Variants in ARMC6 observed in about 807,000 individuals in gnomAD.
ARMC6 encodes the protein armadillo repeat containing 6.
A neutral mutation model predicts 49.2 loss-of-function variants in ARMC6; 43 were observed. That is an observed-to-expected ratio of 0.87 (90% CI 0.69 to 1.13). The LOEUF is 1.13. Ranked by LOEUF, ARMC6 falls within the 50% of genes most tolerant of loss-of-function variation. The pLI is 0.00. For synonymous variants in ARMC6, 262 were observed against 289.6 expected (o/e 0.90, Z 0.97); for missense variants, 627 against 682.0 (o/e 0.92, Z 0.90).
rs11270900 is a variant in ARMC6, at chr19:19,045,493, C to CTTTTTTTTTTTTTTT, written c.279+1430_279+1431insTTTTTTTTTTTTTTT. ...TAAGTGCTCAGCATTATGCTAAATTCTTTTTTTTTTTGAGACAAGAGTCTC... is the reference window on the plus strand; with the variant it reads ...TAAGTGCTCAGCATTATGCTAAATTCTTTTTTTTTTTTTTTTTTTTTTTTTTGAGACAAGAGTCTC... On this transcript the variant is annotated intron_variant, in intron 4 of 8. Transcript: ENST00000535612. 9.3e-4 allele frequency among the ~76,000 whole-genome samples: 83 copies of CTTTTTTTTTTTTTTT among 89,110 alleles called. 22 individuals carry two copies. The highest frequency in any genetic ancestry group is 1.6e-3 in the South Asian group (4 of 2,526). The allele number at this position is 89,110 out of a possible 152,430, so 58.5% of individuals were successfully genotyped here.
In ARMC6 at chr19:19,054,133, T is replaced by G; in HGVS notation, c.854-19T>G. 1 of 1,504,218 alleles carries G rather than the reference T, an allele frequency of 6.6e-7. No homozygotes were observed. The highest frequency in any genetic ancestry group is 8.9e-7 in the Non-Finnish European group (1 of 1,124,390). The allele number at this position is 1,504,218 out of a possible 1,614,324, so 93.2% of individuals were successfully genotyped here. A position where few individuals can be genotyped will look rare whatever the true frequency, so the allele number is the denominator to read the frequency against. ...CTGGTTCTTCCCGCCCCCACCACCG[T>G]CTCCCTTTCTCCCTGCAGCGTTCCT... On this transcript the variant is annotated intron_variant, in intron 5 of 8. Transcript: ENST00000535612.
rs1209804920 is a variant in ARMC6 at position 19,051,854 on chromosome 19, A to G, written c.512A>G (p.Asp171Gly). ...ALSVLTDGQPDLLDAQGLQLL... is the reference protein window; with the variant it reads ...ALSVLTDGQPGLLDAQGLQLL... Reference sequence around the variant, plus strand: ...TCGGTGCTGACTGATGGACAGCCAGACCTCCTGGATGCCCAGGGCCTGCAG... The same window carrying G: ...TCGGTGCTGACTGATGGACAGCCAGGCCTCCTGGATGCCCAGGGCCTGCAG... The change falls in exon 5 of 9, where the codon GAC becomes GGC. Residue 171 changes from aspartate to glycine, a missense_variant. Asp to Gly is a moderately conservative substitution (Grantham distance 94, BLOSUM62 -1). Coordinates refer to ENST00000535612, the MANE Select transcript of ARMC6 (RefSeq NM_001199196.2). The G allele has an allele frequency of 4.3e-6, 7 of 1,613,944 alleles. No homozygotes were observed. The South Asian group carries it at 7.7e-5, about 18-fold the overall frequency.
Position 19,055,879 on chromosome 19 carries a change from T to G in ARMC6, c.1244T>G (p.Val415Gly), listed in dbSNP as rs2059540201. 2 of 1,612,818 alleles carry G rather than the reference T, an allele frequency of 1.2e-6. No homozygotes were observed. Among genetic ancestry groups the G allele is most frequent in the Non-Finnish European group, 1.7e-6 (2 of 1,179,506 alleles). Residue 415 changes from valine (V) to glycine (G), a missense_variant, in exon 8 of 9, where the codon GTG becomes GGG. Transcript: ENST00000535612. The surrounding 1 kb of genome is among the most constrained non-coding windows in gnomAD (Gnocchi z 5.7). ...SRIIVEGGGA[V>G]AALQAMKAHP... ...ATCATCGTGGAGGGTGGCGGGGCTG[T>G]GGCAGCACTGCAGGCCATGAAGGCA...
intron 4 of ARMC6, among the ~76,000 whole-genome samples, chr19:19,051,335 C>T (rs565666230): frequency 3.5e-4 from 53 of 151,252 alleles, no homozygotes; most frequent in Admixed American, 2.8e-3. Flanking sequence ...TGCAGCCCTT[C>T]GGCAGGGACA....
At chr19:19,040,429 T>G (rs1413155681) in intron 2 of ARMC6, among the ~76,000 whole-genome samples, 1 of 152,130 alleles carries the variant, frequency 6.6e-6, no homozygotes, top group African/African-American at 2.4e-5. Context: ...GTGCTAGGTT[T>G]TTTTTAAAAA....
chr19:19,053,781 G>GT (rs759034149), intron 5 of ARMC6, among the ~76,000 whole-genome samples: 3 of 151,696 alleles, frequency 2.0e-5, no homozygotes, highest in Non-Finnish European at 4.4e-5. Flanking sequence ...TGGTTCTGGA[G>GT]TTTCCTGTTG....
rs1568495430 is a variant in ARMC6, at chr19:19,052,193, A to G, written c.851A>G (p.Lys284Arg). ...TTGAAGGTGCTCATCGAAGCCACCAAAGGTAAGAGCTGGGGGCCGACACGA... is the reference window on the plus strand; with the variant it reads ...TTGAAGGTGCTCATCGAAGCCACCAGAGGTAAGAGCTGGGGGCCGACACGA... The part of the protein sequence containing the change: ...KGLKVLIEAT[K>R]AFLDNPGILS... The change falls in exon 5 of 9, where the codon AAA becomes AGA. Residue 284 changes from lysine (K) to arginine (R), a missense_variant and splice_region_variant. Transcript: ENST00000535612. 1 of 1,592,894 alleles carries G rather than the reference A, an allele frequency of 6.3e-7. No individual in the cohort carries two copies. The highest frequency in any genetic ancestry group is 2.2e-5 in the East Asian group (1 of 44,764).
chr19:19,051,927 C>G lies in ARMC6; in HGVS notation c.585C>G (p.Thr195=), dbSNP rs1161618404. The G allele has an allele frequency of 2.5e-6, 4 of 1,614,204 alleles. No individual in the cohort carries two copies. In the South Asian group the frequency reaches 3.3e-5, roughly 13 times the overall value. ...LTQNADEADL[T]CSGIRCVRHA... Reference sequence around the variant, plus strand: ...AGAATGCTGATGAGGCTGACCTGACCTGCTCTGGGATCCGCTGTGTGCGTC... The same window carrying G: ...AGAATGCTGATGAGGCTGACCTGACGTGCTCTGGGATCCGCTGTGTGCGTC... The change falls in exon 5 of 9, where the codon ACC becomes ACG. Residue 195 remains threonine, a synonymous_variant. Transcript: ENST00000535612.
chr19:19,039,476 A>G, intron 2 of ARMC6: 1 of 384,630 alleles, frequency 2.6e-6, no homozygotes, highest in Non-Finnish European at 5.3e-6. Flanking sequence ...TTGTACAACC[A>G]TCATCACTAT....
In ARMC6 at chr19:19,051,927, C is replaced by T; in HGVS notation, c.585C>T (p.Thr195=). Residue 195 remains threonine, a synonymous_variant, in exon 5 of 9, where the codon ACC becomes ACT. Transcript: ENST00000535612. ...LTQNADEADL[T]CSGIRCVRHA... ...AGAATGCTGATGAGGCTGACCTGACCTGCTCTGGGATCCGCTGTGTGCGTC... is the reference window on the plus strand; with the variant it reads ...AGAATGCTGATGAGGCTGACCTGACTTGCTCTGGGATCCGCTGTGTGCGTC... 1 of 1,614,204 alleles carries T rather than the reference C, an allele frequency of 6.2e-7. No individual in the cohort carries two copies. Among genetic ancestry groups the T allele is most frequent in the African/African-American group, 1.3e-5 (1 of 75,072 alleles).
intron 4 of ARMC6, 124 bp downstream of exon 4, chr19:19,044,198 A>G (rs1473961755): frequency 1.0e-6 from 1 of 1,001,328 alleles, no homozygotes; most frequent in Non-Finnish European, 1.5e-6. Context: ...TGCATGGGCA[A>G]GCTTGAGTTT....
Position 19,057,787 on chromosome 19 carries a change from T to G in ARMC6, c.*159T>G. 8.6e-6 allele frequency: 7 copies of G among 813,670 alleles called. No homozygotes were observed. Among genetic ancestry groups the G allele is most frequent in the East Asian group, 5.1e-5 (2 of 39,016 alleles). 50.4% of individuals were successfully genotyped at this position (813,670 alleles called of 1,614,324 possible). ...TAAAGGGTCGGGGGAGGGGGGAGCC[T>G]TGTAGGGAGGCCTCTACACAGAAGA... On this transcript the variant is annotated 3_prime_UTR_variant, in exon 9 of 9. Transcript: ENST00000535612.
chr19:19,046,475 G>A (rs1280008753), intron 4 of ARMC6, among the ~76,000 whole-genome samples: 1 of 151,572 alleles, frequency 6.6e-6, no homozygotes, highest in Non-Finnish European at 1.5e-5. Context: ...GGGATTACAG[G>A]TGTGAGCCAC....
At chr19:19,048,547 A>G (rs898593155) in intron 4 of ARMC6, among the ~76,000 whole-genome samples, 5 of 152,128 alleles carry the variant, frequency 3.3e-5, no homozygotes, top group Non-Finnish European at 5.9e-5. Context: ...TTCTGATTGA[A>G]AGAGTTATCT....
In ARMC6 at chr19:19,042,890, G is replaced by T; in HGVS notation, c.196+13G>T. On this transcript the variant is annotated intron_variant, in intron 3 of 8. Coordinates refer to ENST00000535612, the MANE Select transcript of ARMC6 (RefSeq NM_001199196.2). ...TTTGAATCGCAAGGTAGGGTGGTGT[G>T]ACTGTCACCTACCATCCTTGGCTCT... 1 of 1,613,224 alleles carries T rather than the reference G, an allele frequency of 6.2e-7. No individual in the cohort carries two copies.
At chr19:19,039,255 C>T (rs2059393736) in intron 2 of ARMC6, 1 of 370,230 alleles carries the variant, frequency 2.7e-6, no homozygotes, top group South Asian at 2.0e-5. Flanking sequence ...CTGCTTCAGC[C>T]TCCCGAGTAA....
chr19:19,046,945 T>A (rs1278133082), intron 4 of ARMC6, among the ~76,000 whole-genome samples: 5 of 144,110 alleles, frequency 3.5e-5, no homozygotes, highest in African/African-American at 1.3e-4. Context: ...TTTTTTTTCT[T>A]TTTCTATTTC....
At chr19:19,038,058 C>G (rs530111409) in intron 2 of ARMC6, among the ~76,000 whole-genome samples, 2 of 152,270 alleles carry the variant, frequency 1.3e-5, no homozygotes, top group East Asian at 3.9e-4. Flanking sequence ...ATTATAGGAG[C>G]ACGAACCCTA....
intron 2 of ARMC6, among the ~76,000 whole-genome samples, 200 bp downstream of exon 2, chr19:19,034,438 G>C (rs1458617698): frequency 6.6e-6 from 1 of 152,162 alleles, no homozygotes; most frequent in Non-Finnish European, 1.5e-5. Context: ...GCCACTACCG[G>C]GCTTTGAGCA....
Sources: allele counts gnomAD v4.1 joint callset (sites outside exome capture counted in the v4.1 genomes callset), GRCh38; gene constraint gnomAD v4.1.1; non-coding constraint Gnocchi (gnomAD v3.1); transcripts MANE v1.5; gene names NCBI Gene and HGNC (gene_info 2026-07-23, HGNC 2026-07-21).